The following ACYP2 variants were observed in gnomAD, a reference collection of about 807,000 sequenced individuals.
ACYP2 encodes acylphosphatase 2, also known as acylphosphatase-2.
Under a neutral mutation model 11.2 loss-of-function variants are expected in ACYP2, and 12 were observed. That is an observed-to-expected ratio of 1.08 (90% CI 0.69 to 1.74). The LOEUF is 1.74. Ranked by LOEUF, ACYP2 falls within the 40% of genes most tolerant of loss-of-function variation. The probability of loss-of-function intolerance (pLI) is 0.00; values close to 1 mark genes in which losing one functional copy is unlikely to be tolerated. For missense variants in ACYP2, 134 were observed against 101.9 expected, an observed-to-expected ratio of 1.31 and a Z score of -1.35; for synonymous variants, 43 against 32.2, an observed-to-expected ratio of 1.33 and a Z score of -1.13.
At position 54,207,713 on chromosome 2, in the gene ACYP2, G is replaced by GTAGCT. The variant is rs1685139817; in HGVS notation, c.404+68969_404+68970insTTAGC. Reference sequence around the variant, plus strand: ...CAGTAATAAAGATGTGAATTATACTGTAGCACTCCAAAATTGAGTGAATAG... The same window carrying GTAGCT: ...CAGTAATAAAGATGTGAATTATACTGTAGCTTAGCACTCCAAAATTGAGTGAATAG... On this transcript the variant is annotated intron_variant, in intron 6 of 6. Transcript: ENST00000607452. Among the ~76,000 whole-genome samples the GTAGCT allele has an allele frequency of 5.3e-5, 8 of 152,256 alleles. No individual in the cohort carries two copies. In the South Asian group the frequency reaches 1.7e-3, roughly 32 times the overall value.
intron 6 of ACYP2, among the ~76,000 whole-genome samples, chr2:54,199,779 T>C (rs1684681389): frequency 6.6e-6 from 1 of 152,200 alleles, no homozygotes. Context: ...AGAGCCAGGA[T>C]TTCAACCCAG....
intron 6 of ACYP2, among the ~76,000 whole-genome samples, chr2:54,161,061 C>T (rs2103828921): frequency 6.6e-6 from 1 of 152,294 alleles, no homozygotes; most frequent in Non-Finnish European, 1.5e-5. Context: ...CACATTGAGC[C>T]TACTGAATCC....
At chr2:53,971,972 A>G (rs957407373) in intron 1 of ACYP2, among the ~76,000 whole-genome samples, 14 of 152,224 alleles carry the variant, frequency 9.2e-5, no homozygotes, top group African/African-American at 3.1e-4. Context: ...CTTCCAAAAG[A>G]TTTTAAGCAT....
chr2:54,097,965 CTT>C (rs527656550), intron 4 of ACYP2, among the ~76,000 whole-genome samples: 12 of 117,176 alleles, frequency 1.0e-4, no homozygotes, highest in Admixed American at 3.6e-4. Context: ...TCCTTCCTTC[CTT>C]TTTTTTTTTT....
chr2:54,217,171 T>C (rs1182277291), intron 6 of ACYP2, among the ~76,000 whole-genome samples: 1 of 152,240 alleles, frequency 6.6e-6, no homozygotes, highest in Non-Finnish European at 1.5e-5. Context: ...CAGGGCTTCC[T>C]TTCCTTATTC....
chr2:54,095,276 G>A (rs919704479), intron 4 of ACYP2, among the ~76,000 whole-genome samples: 5 of 152,198 alleles, frequency 3.3e-5, no homozygotes, highest in Admixed American at 3.3e-4. Flanking sequence ...AGTCTCCCAT[G>A]TCTACTTCTT....
At chr2:54,117,360 A>G (rs1304683541) in intron 4 of ACYP2, among the ~76,000 whole-genome samples, 4 of 152,212 alleles carry the variant, frequency 2.6e-5, no homozygotes, top group Non-Finnish European at 5.9e-5. Context: ...CAATGGCACA[A>G]TCATAGCTCA....
At chr2:54,113,019 C>T (rs1186098424) in intron 4 of ACYP2, among the ~76,000 whole-genome samples, 2 of 151,928 alleles carry the variant, frequency 1.3e-5, no homozygotes, top group Admixed American at 6.6e-5. Context: ...TATAGTTGTC[C>T]GTTGTTATCT....
intron 6 of ACYP2, among the ~76,000 whole-genome samples, chr2:54,257,627 T>C (rs952874979): frequency 3.3e-5 from 5 of 152,202 alleles, no homozygotes; most frequent in Admixed American, 1.3e-4. Flanking sequence ...GAGAAATTTA[T>C]GTAAGACAAT....
chr2:54,146,042 C>G (rs1268236249), intron 6 of ACYP2, among the ~76,000 whole-genome samples: 1 of 152,230 alleles, frequency 6.6e-6, no homozygotes, highest in East Asian at 1.9e-4. Context: ...TCTCTATAAG[C>G]TTCCGAAGGA....
At chr2:54,201,636 C>CTTTCTTTCTTTCTTTT (rs59874821) in intron 6 of ACYP2, among the ~76,000 whole-genome samples, 3 of 93,696 alleles carry the variant, frequency 3.2e-5, no homozygotes, top group Non-Finnish European at 4.3e-5. Flanking sequence ...TTCTTTCTTT[C>CTTTCTTTCTTTCTTTT]TCTTTCTTTC....
At chr2:53,987,058 C>G (rs1270338683) in intron 2 of ACYP2, among the ~76,000 whole-genome samples, 1 of 152,054 alleles carries the variant, frequency 6.6e-6, no homozygotes, top group Admixed American at 6.6e-5. Context: ...ATCTTGAAAA[C>G]AGAATGTTGA....
In ACYP2 at chr2:54,028,345, A is replaced by G. The variant is rs183664613; in HGVS notation, c.63-22613A>G. Among the ~76,000 whole-genome samples, 36 of 152,306 alleles carry G rather than the reference A, an allele frequency of 2.4e-4. No individual in the cohort carries two copies. The East Asian group carries it at 6.7e-3, about 29-fold the overall frequency. ...CGAGAATGTTGGGACTCAGAAACCA[A>G]TACTCCAAAATATGGCATTCTGACA... On this transcript the variant is annotated intron_variant, in intron 2 of 6. Transcript: ENST00000607452.
intron 6 of ACYP2, among the ~76,000 whole-genome samples, chr2:54,192,264 G>A (rs999571805): frequency 6.6e-6 from 1 of 151,962 alleles, no homozygotes; most frequent in African/African-American, 2.4e-5. Context: ...TTTTTATAGT[G>A]TTAGAATATT....
At chr2:54,250,292 C>A (rs547017803) in intron 6 of ACYP2, among the ~76,000 whole-genome samples, 1 of 152,178 alleles carries the variant, frequency 6.6e-6, no homozygotes, top group Admixed American at 6.5e-5. Context: ...GCGTGGCCAG[C>A]ATGGTGAAAC....
chr2:54,102,783 C>T (rs550197502), intron 4 of ACYP2, among the ~76,000 whole-genome samples: 19 of 152,092 alleles, frequency 1.2e-4, no homozygotes, highest in Middle Eastern at 3.4e-3. Context: ...GCCCTGCTCT[C>T]CTCTTTGTTG....
chr2:54,207,372 T>A (rs1685120578), intron 6 of ACYP2, among the ~76,000 whole-genome samples: 1 of 152,136 alleles, frequency 6.6e-6, no homozygotes, highest in Non-Finnish European at 1.5e-5. Context: ...GGAGGCAGAA[T>A]TTCCTCTCTC....
chr2:54,101,159 G>C (rs1325238828), intron 4 of ACYP2, among the ~76,000 whole-genome samples: 3 of 152,214 alleles, frequency 2.0e-5, no homozygotes, highest in African/African-American at 7.2e-5. Context: ...AACCCCTGCA[G>C]CTCAGTCCTG....
At chr2:54,254,299 A>G (rs1401648342) in intron 6 of ACYP2, 1 of 152,354 alleles carries the variant, frequency 6.6e-6, no homozygotes, top group African/African-American at 2.4e-5. Context: ...ATCCCTGTTT[A>G]TTAGAAACCA....
Sources: allele counts gnomAD v4.1 joint callset (sites outside exome capture counted in the v4.1 genomes callset), GRCh38; gene constraint gnomAD v4.1.1; transcripts MANE v1.5; gene names NCBI Gene and HGNC (gene_info 2026-07-23, HGNC 2026-07-21).